Variants in MMS22L observed in about 807,000 individuals in gnomAD.
The protein encoded by MMS22L is protein MMS22-like.
A neutral mutation model predicts 159.1 loss-of-function variants in MMS22L; 74 were observed. The observed-to-expected ratio is 0.47, with a 90% CI of 0.39 to 0.56. The LOEUF is 0.56. Among genes scored for constraint, MMS22L ranks in the 20% least tolerant of loss-of-function variants. MMS22L has a pLI of 0.00. For missense variants in MMS22L, 1,351 were observed against 1,422.1 expected (o/e 0.95, Z 0.80); for synonymous variants, 517 against 506.9 (o/e 1.02, Z -0.27).
intron 24 of MMS22L, among the ~76,000 whole-genome samples, chr6:97,148,917 T>C (rs1448649517): frequency 6.6e-6 from 1 of 152,090 alleles, no homozygotes; most frequent in Non-Finnish European, 1.5e-5. Flanking sequence ...GTGCCCTATA[T>C]AGGTATACCA....
At chr6:97,217,452 G>A (rs1028460198) in intron 14 of MMS22L, among the ~76,000 whole-genome samples, 24 of 151,924 alleles carry the variant, frequency 1.6e-4, no homozygotes, top group African/African-American at 5.1e-4. Flanking sequence ...GTGGGGTTTC[G>A]CCGTGTCGGC....
At chr6:97,191,360 T>C (rs1346640740) in intron 14 of MMS22L, among the ~76,000 whole-genome samples, 2 of 152,178 alleles carry the variant, frequency 1.3e-5, no homozygotes, top group East Asian at 3.9e-4. Flanking sequence ...CCTATAACTG[T>C]TATAGAATAA....
chr6:97,208,732 C>G (rs1343534359), intron 14 of MMS22L, among the ~76,000 whole-genome samples: 1 of 152,002 alleles, frequency 6.6e-6, no homozygotes, highest in Non-Finnish European at 1.5e-5. Context: ...GTATAAAGAA[C>G]TGCTCTCATC....
chr6:97,215,547 C>A (rs1033418293), intron 14 of MMS22L, among the ~76,000 whole-genome samples: 1 of 152,154 alleles, frequency 6.6e-6, no homozygotes, highest in African/African-American at 2.4e-5. Flanking sequence ...CCCCTGCTCA[C>A]TGAGCTCATC....
chr6:97,233,068 A>G (rs1811037457), intron 12 of MMS22L, among the ~76,000 whole-genome samples: 1 of 142,422 alleles, frequency 7.0e-6, no homozygotes, highest in African/African-American at 2.6e-5. Context: ...CCACTTTCAG[A>G]AAAAAAAAAA....
At chr6:97,260,806 T>A (rs948090571) in intron 9 of MMS22L, 2 of 152,262 alleles carry the variant, frequency 1.3e-5, no homozygotes, top group Non-Finnish European at 1.5e-5. Context: ...CTTTTGACAA[T>A]GCACCAAAGT....
chr6:97,182,403 T>A (rs1225427229), intron 15 of MMS22L, among the ~76,000 whole-genome samples: 1 of 152,178 alleles, frequency 6.6e-6, no homozygotes, highest in Non-Finnish European at 1.5e-5. Context: ...GTCCAGCATC[T>A]AGTCTTCTAA....
At chr6:97,247,233 G>T (rs1171375640) in intron 10 of MMS22L, among the ~76,000 whole-genome samples, 1 of 152,084 alleles carries the variant, frequency 6.6e-6, no homozygotes, top group African/African-American at 2.4e-5. Context: ...TTTCACAAAG[G>T]CTAGGTAGGC....
intron 9 of MMS22L, among the ~76,000 whole-genome samples, chr6:97,256,749 G>A (rs755521454): frequency 3.9e-5 from 6 of 152,018 alleles, no homozygotes; most frequent in African/African-American, 7.2e-5. Context: ...TCAGGTGTTC[G>A]AGACCAACCT....
At chr6:97,236,652 G>A (rs1019038997) in intron 11 of MMS22L, among the ~76,000 whole-genome samples, 1 of 151,772 alleles carries the variant, frequency 6.6e-6, no homozygotes, top group African/African-American at 2.4e-5. Context: ...TTTTAAAAAG[G>A]ACTAAAGCAG....
chr6:97,222,930 C>G (rs146691908), intron 14 of MMS22L, among the ~76,000 whole-genome samples: 1 of 152,204 alleles, frequency 6.6e-6, no homozygotes, highest in East Asian at 1.9e-4. Flanking sequence ...CCTCAAATAA[C>G]AGCAAGTGAG....
In MMS22L at chr6:97,245,935, G is replaced by T. The variant is rs890199748; in HGVS notation, c.1182+693C>A. The T allele has an allele frequency of 2.5e-5, 6 of 243,240 alleles. No individual in the cohort carries two copies. In the South Asian group the frequency reaches 2.8e-4, roughly 11 times the overall value. The allele number at this position is 243,240 out of a possible 1,614,324, so 15.1% of individuals were successfully genotyped here. A position where few individuals can be genotyped will look rare whatever the true frequency, so the allele number is the denominator to read the frequency against. ...TACAATATTTTTTATTCCTCTTCAA[G>T]TTTTAAATAATCTTTATTTCTTAAA... is the stretch of plus-strand genomic sequence containing the variant. On this transcript the variant is annotated intron_variant, in intron 11 of 24. Transcript: ENST00000683635.
chr6:97,269,172 A>G (rs1393639513), intron 7 of MMS22L, among the ~76,000 whole-genome samples: 2 of 152,186 alleles, frequency 1.3e-5, no homozygotes, highest in Non-Finnish European at 2.9e-5. Flanking sequence ...AAGATGTTCA[A>G]CTTCACTAGT....
At chr6:97,190,179 T>C (rs1017311941) in intron 14 of MMS22L, among the ~76,000 whole-genome samples, 2 of 152,168 alleles carry the variant, frequency 1.3e-5, no homozygotes, top group African/African-American at 4.8e-5. Flanking sequence ...GAGGTAACAA[T>C]GTAAAAGAAA....
At chr6:97,174,356 G>A (rs1803908254) in intron 18 of MMS22L, among the ~76,000 whole-genome samples, 1 of 151,882 alleles carries the variant, frequency 6.6e-6, no homozygotes, top group African/African-American at 2.4e-5. Context: ...GACCCAAATT[G>A]GACCATGAAT....
chr6:97,250,467 C>G (rs895839104), intron 10 of MMS22L, among the ~76,000 whole-genome samples: 1 of 152,178 alleles, frequency 6.6e-6, no homozygotes. Flanking sequence ...TAAAACTGAC[C>G]CCTTGCAATG....
intron 14 of MMS22L, among the ~76,000 whole-genome samples, chr6:97,204,653 G>A (rs1376905948): frequency 1.3e-5 from 2 of 151,776 alleles, no homozygotes; most frequent in Non-Finnish European, 2.9e-5. Context: ...GTAGGGGGTG[G>A]GCATGGTGGC....
chr6:97,244,342 T>G (rs1812405802), intron 11 of MMS22L, among the ~76,000 whole-genome samples: 1 of 152,204 alleles, frequency 6.6e-6, no homozygotes, highest in African/African-American at 2.4e-5. Context: ...ATGTTTTCTA[T>G]CTTCGGCTAC....
At chr6:97,202,147 T>C (rs1807239781) in intron 14 of MMS22L, among the ~76,000 whole-genome samples, 3 of 152,208 alleles carry the variant, frequency 2.0e-5, no homozygotes, top group South Asian at 4.1e-4. Flanking sequence ...TATTTTGCTG[T>C]GTACTAAACA....
Sources: allele counts gnomAD v4.1 joint callset (sites outside exome capture counted in the v4.1 genomes callset), GRCh38; gene constraint gnomAD v4.1.1; transcripts MANE v1.5; gene names NCBI Gene and HGNC (gene_info 2026-07-23, HGNC 2026-07-21).